RBKS: variants seen among roughly 807,000 people sequenced by gnomAD.
RBKS encodes ribokinase.
Under a neutral mutation model 33.9 loss-of-function variants are expected in RBKS, and 33 were observed. That is an observed-to-expected ratio of 0.97 (90% CI 0.74 to 1.30). The LOEUF (loss-of-function observed/expected upper bound fraction) is 1.30. Among genes scored for constraint, RBKS ranks in the 50% most tolerant of loss-of-function variants. The probability of loss-of-function intolerance (pLI) is 0.00; values close to 1 mark genes in which losing one functional copy is unlikely to be tolerated. For synonymous variants in RBKS, 125 were observed against 143.0 expected (o/e 0.87, Z 0.90); for missense variants, 361 against 392.6 (o/e 0.92, Z 0.68).
At chr2:27,867,576 G>A (rs1287302198) in intron 1 of RBKS, among the ~76,000 whole-genome samples, 2 of 152,130 alleles carry the variant, frequency 1.3e-5, no homozygotes, top group East Asian at 3.8e-4. Flanking sequence ...CAAGGTGTCA[G>A]GAGAGGCTTA....
intron 7 of RBKS, among the ~76,000 whole-genome samples, chr2:27,802,646 C>T (rs369692017): frequency 3.3e-5 from 5 of 152,130 alleles, no homozygotes; most frequent in African/African-American, 1.2e-4. Context: ...AGAAGCCCTG[C>T]GCAGCAACTC....
intron 1 of RBKS, among the ~76,000 whole-genome samples, chr2:27,860,920 T>G (rs1213708415): frequency 3.3e-5 from 5 of 152,182 alleles, no homozygotes; most frequent in East Asian, 1.9e-4. Flanking sequence ...ATTTGCTGAT[T>G]GAACAGATTT....
At chr2:27,839,903 A>G (rs371583021) in intron 5 of RBKS, among the ~76,000 whole-genome samples, 2 of 152,198 alleles carry the variant, frequency 1.3e-5, no homozygotes, top group Admixed American at 6.5e-5. Flanking sequence ...AATGACGTCC[A>G]GAGTGAGGAA....
At chr2:27,822,289 C>G (rs1313688809) in intron 7 of RBKS, among the ~76,000 whole-genome samples, 1 of 152,110 alleles carries the variant, frequency 6.6e-6, no homozygotes, top group Non-Finnish European at 1.5e-5. Flanking sequence ...GTACATTTTG[C>G]AATATTAGTT....
chr2:27,873,499 C>A (rs1664256239), intron 1 of RBKS, among the ~76,000 whole-genome samples: 1 of 152,080 alleles, frequency 6.6e-6, no homozygotes, highest in South Asian at 2.1e-4. Context: ...ATTGAGACAG[C>A]CTGAAGGACT....
chr2:27,781,408 A>G lies in RBKS; in HGVS notation c.*207T>C, dbSNP rs1478210678. The G allele has an allele frequency of 4.3e-5, 22 of 515,348 alleles. No homozygotes were observed. Among genetic ancestry groups the G allele is most frequent in the Non-Finnish European group, 6.8e-6 (2 of 292,814 alleles). The allele number at this position is 515,348 out of a possible 1,614,324, so 31.9% of individuals were successfully genotyped here. On this transcript the variant is annotated 3_prime_UTR_variant, in exon 8 of 8. Transcript: ENST00000302188. ...TGTTTGTACAGATCTTGGTTGTGGA[A>G]TCTTTAATTCTGGTTGTTTTGTGCA... is the stretch of plus-strand genomic sequence containing the variant.
chr2:27,847,914 T>C (rs1166226502), intron 3 of RBKS, 120 bp downstream of exon 3: 6 of 662,048 alleles, frequency 9.1e-6, no homozygotes, highest in Non-Finnish European at 1.1e-5. Context: ...AAGCTGTGCA[T>C]AGAAATTCTC....
At chr2:27,834,877 A>G (rs1678485823) in intron 5 of RBKS, among the ~76,000 whole-genome samples, 1 of 152,242 alleles carries the variant, frequency 6.6e-6, no homozygotes, top group Non-Finnish European at 1.5e-5. Flanking sequence ...CCCATCCTAC[A>G]GAAATCCATA....
chr2:27,796,733 C>A (rs1270058190), intron 7 of RBKS, among the ~76,000 whole-genome samples: 1 of 151,998 alleles, frequency 6.6e-6, no homozygotes, highest in Non-Finnish European at 1.5e-5. Context: ...GGCGAGATGA[C>A]CCCAAGGGGA....
At chr2:27,784,690 G>A (rs1677365706) in intron 7 of RBKS, among the ~76,000 whole-genome samples, 1 of 152,206 alleles carries the variant, frequency 6.6e-6, no homozygotes, top group Admixed American at 6.5e-5. Flanking sequence ...GCGTTAAGGA[G>A]AATGACATTT....
chr2:27,823,590 A>G (rs1342463410), intron 7 of RBKS, among the ~76,000 whole-genome samples: 1 of 152,192 alleles, frequency 6.6e-6, no homozygotes, highest in Non-Finnish European at 1.5e-5. Context: ...CTCACTCGCC[A>G]CGTGAATTAC....
At chr2:27,877,296 T>TC (rs1664332207) in intron 1 of RBKS, among the ~76,000 whole-genome samples, 1 of 152,128 alleles carries the variant, frequency 6.6e-6, no homozygotes, top group South Asian at 2.1e-4. Flanking sequence ...TTTTTTTTTT[T>TC]CCCCTAAGAA....
intron 7 of RBKS, among the ~76,000 whole-genome samples, chr2:27,816,844 G>A (rs1213598972): frequency 6.6e-6 from 1 of 152,140 alleles, no homozygotes; most frequent in Non-Finnish European, 1.5e-5. Flanking sequence ...TGATCCACCC[G>A]CCTTGGCCTC....
At chr2:27,874,915 T>C (rs1056420740) in intron 1 of RBKS, among the ~76,000 whole-genome samples, 2 of 152,222 alleles carry the variant, frequency 1.3e-5, no homozygotes, top group African/African-American at 4.8e-5. Flanking sequence ...TTCACTCTTA[T>C]ACTATTAGCT....
chr2:27,826,257 A>G (rs1452585476), intron 7 of RBKS, among the ~76,000 whole-genome samples: 1 of 152,160 alleles, frequency 6.6e-6, no homozygotes, highest in Non-Finnish European at 1.5e-5. Flanking sequence ...ATAATGACCC[A>G]CATTTTAAAG....
At chr2:27,797,199 G>A (rs897448298) in intron 7 of RBKS, among the ~76,000 whole-genome samples, 1 of 152,232 alleles carries the variant, frequency 6.6e-6, no homozygotes, top group African/African-American at 2.4e-5. Flanking sequence ...ACCCAGGGGA[G>A]GTAGGCTTAT....
At chr2:27,883,725 A>AT (rs59775257) in intron 1 of RBKS, among the ~76,000 whole-genome samples, 6,631 of 144,418 alleles carry the variant, frequency 0.046, 171 homozygotes, top group South Asian at 0.11. Context: ...GTCATATGCA[A>AT]TTTTTTTTTT....
intron 1 of RBKS, among the ~76,000 whole-genome samples, chr2:27,862,592 G>C (rs1398978489): frequency 3.3e-5 from 5 of 152,054 alleles, no homozygotes; most frequent in Non-Finnish European, 7.4e-5. Flanking sequence ...TCTTCAGACT[G>C]TCCTGAAGGA....
At chr2:27,858,670 T>G in intron 1 of RBKS, 99 bp from the exon 2 acceptor site, 1 of 1,011,858 alleles carries the variant, frequency 9.9e-7, no homozygotes, top group Non-Finnish European at 1.5e-6. Context: ...GAGCTCTAAA[T>G]AGTCTTAACA....
Sources: gnomAD v4.1 joint callset for allele counts (sites outside exome capture counted in the v4.1 genomes callset) on GRCh38, gnomAD v4.1.1 for gene constraint, MANE v1.5 for transcripts, NCBI Gene and HGNC (gene_info 2026-07-23, HGNC 2026-07-21) for gene names.